The following UBXN2A variants were observed in gnomAD, a reference collection of about 807,000 sequenced individuals.
UBXN2A encodes UBX domain protein 2A, also known as UBX domain-containing protein 2A.
Under a neutral mutation model 28.4 loss-of-function variants are expected in UBXN2A, and 28 were observed. The observed-to-expected ratio is 0.99, with a 90% confidence interval of 0.73 to 1.35. The LOEUF (loss-of-function observed/expected upper bound fraction) is 1.35, where lower values mean the gene tolerates loss of function less well. Among genes scored for constraint, UBXN2A ranks in the 40% most tolerant of loss-of-function variants. The pLI is 0.00. For synonymous variants in UBXN2A, 97 were observed against 103.6 expected (o/e 0.94, Z 0.39); for missense variants, 253 against 297.9 (o/e 0.85, Z 1.11).
chr2:23,970,664 A>G (rs1707376489), intron 2 of UBXN2A, among the ~76,000 whole-genome samples: 1 of 152,028 alleles, frequency 6.6e-6, no homozygotes, highest in South Asian at 2.1e-4. Flanking sequence ...ATTGTAGTGT[A>G]TAATGAAATA....
In UBXN2A at chr2:23,983,013, A is replaced by G; in HGVS notation, c.405A>G (p.Gly135=). The change falls in exon 5 of 7, where the codon GGA becomes GGG. Residue 135 remains glycine, a synonymous_variant. Coordinates refer to ENST00000309033, the MANE Select transcript of UBXN2A (RefSeq NM_181713.4). ...STKPVFQPFS[G]QGHRLGSATP... is the part of the protein sequence containing the mutation. ...AGCCTGTGTTCCAGCCCTTTTCAGG[A>G]CAGGGTCACAGACTAGGAAGGTAAA... 5 of 1,604,948 alleles carry G rather than the reference A, an allele frequency of 3.1e-6. No individual in the cohort carries two copies. In the South Asian group the frequency reaches 5.6e-5, roughly 18 times the overall value.
chr2:23,957,449 C>T (rs1256130685), intron 1 of UBXN2A, among the ~76,000 whole-genome samples: 3 of 152,114 alleles, frequency 2.0e-5, no homozygotes, highest in Non-Finnish European at 2.9e-5. Context: ...ACTACAGGTG[C>T]GTACCACCAC....
chr2:23,943,795 G>C, intron 1 of UBXN2A: 1 of 268,680 alleles, frequency 3.7e-6, no homozygotes, highest in South Asian at 4.6e-5. Flanking sequence ...CCAGCTAAAG[G>C]AGATTATATT....
intron 6 of UBXN2A, among the ~76,000 whole-genome samples, chr2:23,998,825 G>GATCAACCTTCGTCTCCCGCC (rs1708641280): frequency 1.3e-5 from 2 of 152,004 alleles, no homozygotes; most frequent in Non-Finnish European, 2.9e-5. Context: ...CGTCTCCCGC[G>GATCAACCTTCGTCTCCCGCC]ATCAACCTTC....
upstream of UBXN2A, among the ~76,000 whole-genome samples, chr2:23,938,157 C>T (rs975399068): frequency 1.3e-5 from 2 of 152,038 alleles, no homozygotes; most frequent in Non-Finnish European, 2.9e-5. Context: ...AGTCATCGCA[C>T]CAGTATTGTT....
intron 1 of UBXN2A, among the ~76,000 whole-genome samples, chr2:23,951,458 A>ATATG (rs1706366412): frequency 1.2e-5 from 1 of 81,360 alleles, no homozygotes; most frequent in African/African-American, 4.2e-5. Context: ...ATATATATAT[A>ATATG]TATATAGTTT....
chr2:23,937,559 G>A (rs1238556938), upstream of UBXN2A, among the ~76,000 whole-genome samples: 1 of 152,010 alleles, frequency 6.6e-6, no homozygotes, highest in African/African-American at 2.4e-5. Flanking sequence ...CAGCAAAGTT[G>A]TTAGATACAA....
intron 3 of UBXN2A, 53 bp from the exon 4 acceptor site, chr2:23,976,916 A>G: frequency 6.8e-7 from 1 of 1,474,520 alleles, no homozygotes; most frequent in Non-Finnish European, 9.4e-7. Context: ...AAGGACTTTC[A>G]ATCCTACTAC....
intron 4 of UBXN2A, among the ~76,000 whole-genome samples, chr2:23,980,648 GAC>G (rs765032539): frequency 3.9e-4 from 60 of 152,066 alleles, no homozygotes; most frequent in Non-Finnish European, 7.5e-4. Context: ...GTTTTTTTGA[GAC>G]AGAGTCTTGC....
chr2:23,970,932 GA>G (rs1393455260), intron 2 of UBXN2A, among the ~76,000 whole-genome samples: 13 of 152,168 alleles, frequency 8.5e-5, no homozygotes, highest in African/African-American at 2.9e-4. Context: ...AGTAAATACA[GA>G]TGAAGCTTTG....
At chr2:23,959,097 T>A (rs1286439136) in intron 2 of UBXN2A, among the ~76,000 whole-genome samples, 1 of 152,206 alleles carries the variant, frequency 6.6e-6, no homozygotes, top group African/African-American at 2.4e-5. Flanking sequence ...CCTCTCAAAA[T>A]GCTAGGATTA....
At position 23,959,942 on chromosome 2, in the gene UBXN2A, A is replaced by C. The variant is rs572028564; in HGVS notation, c.41+1587A>C. 8.5e-5 allele frequency among the ~76,000 whole-genome samples: 13 copies of C among 152,224 alleles called. No individual in the cohort carries two copies. In the South Asian group the frequency reaches 2.7e-3, roughly 32 times the overall value. On this transcript the variant is annotated intron_variant, in intron 2 of 6. Coordinates refer to ENST00000309033, the MANE Select transcript of UBXN2A (RefSeq NM_181713.4). ...TCCTTATAAATTTAGGGTGATGGGA[A>C]CCTTCTAGAAATCCAAGTTTGCAGG...
At chr2:23,962,713 C>G (rs144251714) in intron 2 of UBXN2A, among the ~76,000 whole-genome samples, 56 of 149,534 alleles carry the variant, frequency 3.7e-4, no homozygotes, top group Middle Eastern at 3.5e-3. Flanking sequence ...TCAAGCCATT[C>G]TCCTGCCTCA....
intron 1 of UBXN2A, among the ~76,000 whole-genome samples, chr2:23,954,501 C>T (rs1424003985): frequency 2.0e-5 from 3 of 152,160 alleles, no homozygotes; most frequent in African/African-American, 7.2e-5. Context: ...TCAGCAGCTG[C>T]AGTATTTCAC....
At chr2:23,999,600 A>G (rs1005459509) in intron 6 of UBXN2A, 72 bp from the exon 7 acceptor site, 49 of 1,452,598 alleles carry the variant, frequency 3.4e-5, no homozygotes, top group Non-Finnish European at 4.3e-5. Context: ...TACTTTTACC[A>G]GTTGTTGTTA....
chr2:23,976,830 C>T (rs1361977766), intron 3 of UBXN2A, 139 bp from the exon 4 acceptor site: 1 of 594,450 alleles, frequency 1.7e-6, no homozygotes, highest in African/African-American at 1.8e-5. Context: ...GTCCTCCTGT[C>T]TTGGCCTCCC....
At chr2:23,977,766 C>T (rs539266610) in intron 4 of UBXN2A, among the ~76,000 whole-genome samples, 1 of 152,322 alleles carries the variant, frequency 6.6e-6, no homozygotes, top group Non-Finnish European at 1.5e-5. Context: ...TACACATTCA[C>T]AGATATACTT....
chr2:23,949,116 C>CTTTTTTTTTTTTTTT (rs1223944833), intron 1 of UBXN2A, among the ~76,000 whole-genome samples: 27 of 127,060 alleles, frequency 2.1e-4, no homozygotes, highest in Non-Finnish European at 4.0e-4. Context: ...ATTTTTTTTT[C>CTTTTTTTTTTTTTTT]TTTTTTTTTT....
intron 4 of UBXN2A, among the ~76,000 whole-genome samples, chr2:23,979,205 A>G (rs1325012275): frequency 6.6e-6 from 1 of 151,602 alleles, no homozygotes. Context: ...TTAGCCGGGC[A>G]TGGTAGCAGG....
Sources: allele counts gnomAD v4.1 joint callset (sites outside exome capture counted in the v4.1 genomes callset), GRCh38; gene constraint gnomAD v4.1.1; transcripts MANE v1.5; gene names NCBI Gene and HGNC (gene_info 2026-07-23, HGNC 2026-07-21).